Variants in RBFOX1 observed in about 807,000 individuals in gnomAD.
RBFOX1 encodes the protein RNA binding fox-1 homolog 1.
Under a neutral mutation model 57.7 loss-of-function variants are expected in RBFOX1, and 8 were observed. The observed-to-expected ratio is 0.14, with a 90% CI of 0.08 to 0.25. RBFOX1 has a LOEUF of 0.25. Among genes scored for constraint, RBFOX1 ranks in the 10% least tolerant of loss-of-function variants. The pLI, the probability that RBFOX1 is intolerant of heterozygous loss-of-function variation, is 1.00. For missense variants in RBFOX1, 611 were observed against 548.5 expected (o/e 1.11, Z -1.14); for synonymous variants, 326 against 222.4 (o/e 1.47, Z -4.15).
intron 5 of RBFOX1, among the ~76,000 whole-genome samples, chr16:7,562,771 T>C (rs1225144212): frequency 5.9e-5 from 9 of 152,224 alleles, no homozygotes; most frequent in Admixed American, 3.9e-4. Flanking sequence ...TTGCACCTCA[T>C]CCCACTGATC....
chr16:6,495,228 T>C (rs8049092), intron 2 of RBFOX1, among the ~76,000 whole-genome samples: 125,118 of 152,068 alleles, frequency 0.82, 52,058 homozygotes, highest in Non-Finnish European at 0.89. Flanking sequence ...AAGCGATTCT[T>C]TTGCCGCAGC....
At chr16:5,760,752 G>T (rs1363568538) in intron 3 of RBFOX1, among the ~76,000 whole-genome samples, 1 of 152,112 alleles carries the variant, frequency 6.6e-6, no homozygotes, top group Non-Finnish European at 1.5e-5. Flanking sequence ...TGAAAGTAAT[G>T]ACAAAAACCG....
chr16:7,664,741 C>T (rs2068730237), intron 12 of RBFOX1, 188 bp from the exon 13 acceptor site: 1 of 979,706 alleles, frequency 1.0e-6, no homozygotes, highest in African/African-American at 1.6e-5. Context: ...ACACCAAAGC[C>T]CGGCCTAATT....
At chr16:7,609,658 G>A (rs947165295) in intron 10 of RBFOX1, among the ~76,000 whole-genome samples, 1 of 152,144 alleles carries the variant, frequency 6.6e-6, no homozygotes, top group African/African-American at 2.4e-5. Context: ...TGCTCATGGC[G>A]ATTTTCCAAA....
intron 1 of RBFOX1, among the ~76,000 whole-genome samples, chr16:5,410,577 G>A (rs1047526000): frequency 2.6e-5 from 4 of 152,166 alleles, no homozygotes; most frequent in South Asian, 2.1e-4. Context: ...CAGGAGAAAC[G>A]TCAGTCTCTG....
At chr16:5,756,249 C>T (rs1280682181) in intron 3 of RBFOX1, among the ~76,000 whole-genome samples, 1 of 92,158 alleles carries the variant, frequency 1.1e-5, no homozygotes, top group African/African-American at 3.7e-5. Flanking sequence ...AAAAAAAAAA[C>T]CCTGCACCAC....
At chr16:6,853,622 A>G (rs1215436909) in intron 3 of RBFOX1, among the ~76,000 whole-genome samples, 2 of 152,146 alleles carry the variant, frequency 1.3e-5, no homozygotes, top group Non-Finnish European at 2.9e-5. Context: ...GTTTGATGGG[A>G]TTAATTTGCA....
chr16:7,027,343 C>G (rs2041264490), intron 3 of RBFOX1, among the ~76,000 whole-genome samples: 1 of 152,094 alleles, frequency 6.6e-6, no homozygotes, highest in South Asian at 2.1e-4. Flanking sequence ...TGTCTCTGTG[C>G]CAGGAACTGC....
At chr16:5,668,387 C>G (rs1337462208) in intron 3 of RBFOX1, among the ~76,000 whole-genome samples, 3 of 152,154 alleles carry the variant, frequency 2.0e-5, no homozygotes. Flanking sequence ...CTCTTTTTCC[C>G]GACCTTAACA....
At chr16:7,539,060 G>A (rs561990543) in intron 5 of RBFOX1, among the ~76,000 whole-genome samples, 6 of 152,158 alleles carry the variant, frequency 3.9e-5, no homozygotes, top group Non-Finnish European at 8.8e-5. Context: ...TTTGCTATGT[G>A]CTATGTCTGC....
rs145399057 is a variant in RBFOX1, at chr16:6,653,547, G to A, written c.-63-1056G>A. 2.7e-3 allele frequency among the ~76,000 whole-genome samples: 414 copies of A among 151,972 alleles called. 2 individuals are homozygous for A. The highest frequency in any genetic ancestry group is 9.5e-3 in the African/African-American group (394 of 41,304). The stretch of plus-strand genomic sequence containing the variant: ...TGTTTGTTTCACCTTTTCGTACCAG[G>A]ACAACAAGAAAATAGCAGAAAATCA... On this transcript the variant is annotated intron_variant, in intron 2 of 15. Coordinates refer to ENST00000550418, the MANE Select transcript of RBFOX1 (RefSeq NM_018723.4).
rs563961580 is a variant in RBFOX1, at chr16:7,096,330, C to T, written c.27+44232C>T. On this transcript the variant is annotated intron_variant, in intron 4 of 15. Coordinates refer to ENST00000550418, the MANE Select transcript of RBFOX1 (RefSeq NM_018723.4). ...ACAGGCAGTCAGAACCAGGTGGATG[C>T]AGATCATCTCACCATGTCATGGAAA... Among the ~76,000 whole-genome samples the T allele has an allele frequency of 2.6e-5, 4 of 152,266 alleles. 1 individual carries two copies. The Middle Eastern group carries it at 0.01, about 388-fold the overall frequency.
chr16:5,932,313 C>T (rs935422535), intron 4 of RBFOX1, among the ~76,000 whole-genome samples: 3 of 152,236 alleles, frequency 2.0e-5, no homozygotes, highest in Non-Finnish European at 4.4e-5. Flanking sequence ...GGACTGAGGG[C>T]TGCCCTTGTC....
chr16:5,540,190 C>T (rs2044873843), intron 2 of RBFOX1, among the ~76,000 whole-genome samples: 1 of 152,196 alleles, frequency 6.6e-6, no homozygotes, highest in Admixed American at 6.5e-5. Context: ...CCATGTGGCA[C>T]TGCTGAAACA....
intron 1 of RBFOX1, among the ~76,000 whole-genome samples, chr16:5,430,367 T>G (rs1013303758): frequency 3.3e-5 from 5 of 152,070 alleles, no homozygotes; most frequent in African/African-American, 7.2e-5. Context: ...GCAAAGGCCC[T>G]GTAGTAGAAA....
chr16:6,819,191 T>C (rs1358824655), intron 3 of RBFOX1, among the ~76,000 whole-genome samples: 1 of 152,192 alleles, frequency 6.6e-6, no homozygotes, highest in African/African-American at 2.4e-5. Flanking sequence ...TGTCCTAACA[T>C]TCTGTTTATT....
chr16:5,889,889 A>G (rs1334811528), intron 4 of RBFOX1, among the ~76,000 whole-genome samples: 2 of 152,192 alleles, frequency 1.3e-5, no homozygotes, highest in Non-Finnish European at 2.9e-5. Context: ...AAGAGGAGAG[A>G]CTGGATGCGG....
intron 14 of RBFOX1, among the ~76,000 whole-genome samples, chr16:7,706,110 C>A (rs2082353232): frequency 1.3e-5 from 2 of 152,176 alleles, no homozygotes; most frequent in Admixed American, 1.3e-4. Context: ...GGCATATCTG[C>A]TGCAAACGTA....
At chr16:5,841,868 A>G (rs1567612838) in intron 3 of RBFOX1, among the ~76,000 whole-genome samples, 1 of 152,246 alleles carries the variant, frequency 6.6e-6, no homozygotes. Flanking sequence ...GCACATCTGC[A>G]TTCCTGGGCT....
Sources: gnomAD v4.1 joint callset for allele counts (sites outside exome capture counted in the v4.1 genomes callset) on GRCh38, gnomAD v4.1.1 for gene constraint, MANE v1.5 for transcripts, NCBI Gene and HGNC (gene_info 2026-07-23, HGNC 2026-07-21) for gene names.